Variants in MEF2A observed in about 807,000 individuals in gnomAD.
MEF2A encodes the protein myocyte enhancer factor 2A.
Under a neutral mutation model 55.8 loss-of-function variants are expected in MEF2A, and 28 were observed. The ratio of observed to expected loss-of-function variants is 0.50; its 90% CI spans 0.37 to 0.69. The LOEUF (loss-of-function observed/expected upper bound fraction) is 0.69. Among genes scored for constraint, MEF2A ranks in the 30% least tolerant of loss-of-function variants. The pLI, the probability that MEF2A is intolerant of heterozygous loss-of-function variation, is 0.00. For synonymous variants in MEF2A, 239 were observed against 227.1 expected (o/e 1.05, Z -0.47); for missense variants, 528 against 626.2 (o/e 0.84, Z 1.67).
intron 8 of MEF2A, among the ~76,000 whole-genome samples, chr15:99,693,448 C>T (rs1015772086): frequency 3.3e-5 from 5 of 151,958 alleles, no homozygotes; most frequent in East Asian, 1.9e-4. Flanking sequence ...GATGTATGCA[C>T]GCACACACAC....
At chr15:99,687,345 G>T (rs1353279167) in intron 7 of MEF2A, among the ~76,000 whole-genome samples, 1 of 152,038 alleles carries the variant, frequency 6.6e-6, no homozygotes, top group African/African-American at 2.4e-5. Context: ...CCTTGCACGT[G>T]TATTAATACA....
intron 3 of MEF2A, among the ~76,000 whole-genome samples, chr15:99,636,758 A>C (rs960436873): frequency 1.3e-5 from 2 of 152,062 alleles, no homozygotes; most frequent in African/African-American, 4.8e-5. Flanking sequence ...TTTACTTACC[A>C]TAAGGCCATA....
chr15:99,628,279 G>C (rs1006099514), intron 2 of MEF2A, among the ~76,000 whole-genome samples: 2 of 151,970 alleles, frequency 1.3e-5, no homozygotes, highest in Non-Finnish European at 2.9e-5. Context: ...CTTTTGGTTT[G>C]TGTTTTACAT....
At chr15:99,685,933 T>C (rs150107315) in intron 7 of MEF2A, among the ~76,000 whole-genome samples, 45 of 152,358 alleles carry the variant, frequency 3.0e-4, no homozygotes, top group African/African-American at 1.0e-3. Flanking sequence ...TGAATTCATC[T>C]GGTCTTGGAC....
chr15:99,647,329 A>T (rs1320832486), intron 4 of MEF2A, among the ~76,000 whole-genome samples: 1 of 152,142 alleles, frequency 6.6e-6, no homozygotes, highest in Non-Finnish European at 1.5e-5. Flanking sequence ...TATATGTCTC[A>T]TCAAAAGTTA....
intron 4 of MEF2A, among the ~76,000 whole-genome samples, chr15:99,651,409 T>C (rs1241535473): frequency 2.0e-5 from 3 of 152,156 alleles, no homozygotes; most frequent in East Asian, 1.9e-4. Context: ...CCCCATGTTA[T>C]AGACGAGGAA....
Position 99,716,339 on chromosome 15 carries a change from C to T in MEF2A, c.*3568C>T, listed in dbSNP as rs1597372042. On this transcript the variant is annotated 3_prime_UTR_variant, in exon 12 of 12. Coordinates refer to ENST00000557942, the MANE Select transcript of MEF2A (RefSeq NM_001319206.4). ...CCTTTTAAGAAAAATAAGTTAATCTCAATTTTTCCCTGAATGTGTTGTTTT... is the reference window on the plus strand; with the variant it reads ...CCTTTTAAGAAAAATAAGTTAATCTTAATTTTTCCCTGAATGTGTTGTTTT... 2.9e-6 allele frequency: 1 copy of T among 350,280 alleles called. No individual in the cohort carries two copies. Among genetic ancestry groups the T allele is most frequent in the East Asian group, 7.5e-5 (1 of 13,282 alleles). 21.7% of individuals were successfully genotyped at this position (350,280 alleles called of 1,614,324 possible).
chr15:99,610,738 G>A (rs915670210), intron 2 of MEF2A, among the ~76,000 whole-genome samples: 1 of 152,028 alleles, frequency 6.6e-6, no homozygotes, highest in Non-Finnish European at 1.5e-5. Context: ...TTAACAAATG[G>A]TGTTCAGACC....
chr15:99,573,493 A>G (rs535596537), intron 1 of MEF2A, among the ~76,000 whole-genome samples: 32 of 152,254 alleles, frequency 2.1e-4, no homozygotes, highest in African/African-American at 7.2e-4. Context: ...CTCAGATTCT[A>G]TTTTGCTTTC....
chr15:99,603,777 A>T (rs1299801034), intron 2 of MEF2A, among the ~76,000 whole-genome samples: 2 of 152,156 alleles, frequency 1.3e-5, no homozygotes, highest in South Asian at 4.1e-4. Context: ...ACTAGGTCAC[A>T]TTGGTTGATA....
chr15:99,643,199 C>T (rs1002196821), intron 3 of MEF2A, among the ~76,000 whole-genome samples: 2 of 152,106 alleles, frequency 1.3e-5, no homozygotes, highest in Non-Finnish European at 2.9e-5. Flanking sequence ...TGAACTGAAA[C>T]GTGGCTGTAT....
At chr15:99,572,538 G>T (rs1962772803) in intron 1 of MEF2A, among the ~76,000 whole-genome samples, 1 of 149,800 alleles carries the variant, frequency 6.7e-6, no homozygotes, top group South Asian at 2.1e-4. Context: ...CAGAGGCCTT[G>T]TTCATCTTAC....
chr15:99,567,626 A>AATGTATGTGT (rs1567124507), intron 1 of MEF2A, among the ~76,000 whole-genome samples: 3 of 122,014 alleles, frequency 2.5e-5, no homozygotes, highest in African/African-American at 9.8e-5. Context: ...TTTTGTATGT[A>AATGTATGTGT]CTGTGTGTGT....
At chr15:99,630,817 T>C (rs1367439916) in intron 2 of MEF2A, among the ~76,000 whole-genome samples, 2 of 152,180 alleles carry the variant, frequency 1.3e-5, no homozygotes, top group African/African-American at 2.4e-5. Context: ...GTATAGTTCT[T>C]TGGAGTCTGT....
intron 8 of MEF2A, among the ~76,000 whole-genome samples, chr15:99,702,429 CTTT>C (rs11429799): frequency 4.5e-5 from 6 of 134,324 alleles, no homozygotes; most frequent in Admixed American, 1.5e-4. Context: ...AAAAATGTTT[CTTT>C]TTTTTTTTTT....
rs530675329 is a variant in MEF2A, at chr15:99,707,858, C to G, written c.1009+1003C>G. ...TGCTGTCCGCAGCTACGTGAGGGGA[C>G]AGAGCGTTGATAACATTTGATTGCC... is the stretch of plus-strand genomic sequence containing the variant. On this transcript the variant is annotated intron_variant, in intron 10 of 11. Coordinates refer to ENST00000557942, the MANE Select transcript of MEF2A (RefSeq NM_001319206.4). Among the ~76,000 whole-genome samples the G allele has an allele frequency of 5.3e-5, 8 of 152,016 alleles. No homozygotes were observed. The South Asian group carries it at 1.2e-3, about 24-fold the overall frequency.
chr15:99,607,634 A>G (rs2153158336), intron 2 of MEF2A, among the ~76,000 whole-genome samples: 1 of 152,322 alleles, frequency 6.6e-6, no homozygotes, highest in South Asian at 2.1e-4. Flanking sequence ...AAGTATCTGC[A>G]TTTTACAAAT....
At chr15:99,591,802 C>T (rs901449978) in intron 1 of MEF2A, among the ~76,000 whole-genome samples, 2 of 152,064 alleles carry the variant, frequency 1.3e-5, no homozygotes, top group Non-Finnish European at 2.9e-5. Flanking sequence ...TGAGATACTG[C>T]ACTTTTTATG....
intron 2 of MEF2A, among the ~76,000 whole-genome samples, chr15:99,598,884 G>C (rs1972093471): frequency 6.6e-6 from 1 of 152,090 alleles, no homozygotes; most frequent in Non-Finnish European, 1.5e-5. Flanking sequence ...TGAGTTACAT[G>C]AGCTGAGGAA....
Sources: allele counts gnomAD v4.1 joint callset (sites outside exome capture counted in the v4.1 genomes callset), GRCh38; gene constraint gnomAD v4.1.1; transcripts MANE v1.5; gene names NCBI Gene and HGNC (gene_info 2026-07-23, HGNC 2026-07-21).